Variants in TMEM130 observed in about 807,000 individuals in gnomAD.
The protein encoded by TMEM130 is transmembrane protein 130.
In TMEM130, 37 loss-of-function variants were observed where a neutral mutation model predicts 42.9. The observed-to-expected ratio is 0.86, with a 90% confidence interval of 0.66 to 1.13. TMEM130 has a LOEUF of 1.13. Among genes scored for constraint, TMEM130 ranks in the 50% most tolerant of loss-of-function variants. The probability of loss-of-function intolerance (pLI) is 0.00; values close to 1 mark genes in which losing one functional copy is unlikely to be tolerated. For missense variants in TMEM130, 545 were observed against 562.6 expected (o/e 0.97, Z 0.32); for synonymous variants, 259 against 237.7 (o/e 1.09, Z -0.82).
At chr7:98,850,108 G>A (rs531195914) in intron 6 of TMEM130, among the ~76,000 whole-genome samples, 2 of 149,782 alleles carry the variant, frequency 1.3e-5, no homozygotes, top group Non-Finnish European at 3.0e-5. Context: ...GGAGTGCTGT[G>A]GTGTGATCTT....
intron 5 of TMEM130, among the ~76,000 whole-genome samples, chr7:98,852,665 G>A (rs993858340): frequency 1.3e-5 from 2 of 151,904 alleles, no homozygotes; most frequent in East Asian, 1.9e-4. Context: ...TGCGATCTCC[G>A]CTCACTGCAA....
chr7:98,858,249 G>T (rs564385652), intron 3 of TMEM130, among the ~76,000 whole-genome samples: 32 of 152,272 alleles, frequency 2.1e-4, no homozygotes, highest in African/African-American at 7.0e-4. Flanking sequence ...GGCATCTAAA[G>T]AGATGATCTG....
At chr7:98,868,303 A>G (rs537034623) in intron 1 of TMEM130, among the ~76,000 whole-genome samples, 125 of 152,308 alleles carry the variant, frequency 8.2e-4, no homozygotes, top group African/African-American at 2.7e-3. Context: ...GCCAAGGCAG[A>G]GGTTTAGGGG....
At chr7:98,850,992 T>C (rs996805328) in intron 6 of TMEM130, among the ~76,000 whole-genome samples, 1 of 151,982 alleles carries the variant, frequency 6.6e-6, no homozygotes, top group Admixed American at 6.6e-5. Flanking sequence ...CTTATAGATG[T>C]GGGTAGGGTC....
intron 6 of TMEM130, among the ~76,000 whole-genome samples, chr7:98,850,273 A>ATATATATATATATATATATATTTTTTT: frequency 2.8e-5 from 1 of 35,470 alleles, no homozygotes; most frequent in Non-Finnish European, 6.3e-5. Context: ...ATATATATAT[A>ATATATATATATATATATATATTTTTTT]TTTTTTTTTT....
chr7:98,864,614 G>C (rs1241619323), intron 1 of TMEM130, among the ~76,000 whole-genome samples: 1 of 151,858 alleles, frequency 6.6e-6, no homozygotes, highest in Non-Finnish European at 1.5e-5. Context: ...GGATCCAGCT[G>C]TTGGCCAGGC....
At chr7:98,849,954 A>G (rs1220685672) in intron 6 of TMEM130, among the ~76,000 whole-genome samples, 1 of 152,014 alleles carries the variant, frequency 6.6e-6, no homozygotes, top group Non-Finnish European at 1.5e-5. Context: ...TGCTGTCATC[A>G]GCAAAGCCCA....
At chr7:98,867,755 G>A (rs1441657077) in intron 1 of TMEM130, among the ~76,000 whole-genome samples, 1 of 152,172 alleles carries the variant, frequency 6.6e-6, no homozygotes, top group Admixed American at 6.5e-5. Flanking sequence ...CAGCTCCAAG[G>A]ACACTTTTTC....
In TMEM130 at chr7:98,848,857, C is replaced by G. The variant is rs112110920; in HGVS notation, c.1007-162G>C. Among the ~76,000 whole-genome samples, 1,461 of 152,230 alleles carry G rather than the reference C, an allele frequency of 9.6e-3. 26 individuals carry two copies. The highest frequency in any genetic ancestry group is 0.033 in the African/African-American group (1,359 of 41,540). ...AACTGGGCAACCCCAATAGGTAAAT[C>G]CAGGACTTCACAAAAAATAAACTGG... On this transcript the variant is annotated intron_variant, in intron 6 of 7. Coordinates refer to ENST00000339375, the MANE Select transcript of TMEM130 (RefSeq NM_152913.3).
intron 3 of TMEM130, 52 bp from the exon 4 acceptor site, chr7:98,856,235 C>T (rs781796882): frequency 1.9e-5 from 30 of 1,567,884 alleles, no homozygotes; most frequent in Middle Eastern, 3.4e-4. Flanking sequence ...GGTTGCTTCC[C>T]CTTCCTGTAA....
At chr7:98,858,146 T>C (rs1794676303) in intron 3 of TMEM130, among the ~76,000 whole-genome samples, 2 of 147,288 alleles carry the variant, frequency 1.4e-5, no homozygotes, top group African/African-American at 5.4e-5. Flanking sequence ...TGTTCATTTC[T>C]GTATAATGTT....
intron 6 of TMEM130, among the ~76,000 whole-genome samples, chr7:98,850,273 A>ATATATATATATATATATTTTT: frequency 2.8e-5 from 1 of 35,470 alleles, no homozygotes. Flanking sequence ...ATATATATAT[A>ATATATATATATATATATTTTT]TTTTTTTTTT....
rs973970283 is a variant in TMEM130, at chr7:98,869,695, C to T, written c.85+82G>A. Reference sequence around the variant, plus strand: ...GGTGCCACCTCCGCAATCCCTGCTCCCGGGCCCACTCGCCCGCTGAGACGG... The same window carrying T: ...GGTGCCACCTCCGCAATCCCTGCTCTCGGGCCCACTCGCCCGCTGAGACGG... On this transcript the variant is annotated intron_variant, in intron 1 of 7. Coordinates refer to ENST00000339375, the MANE Select transcript of TMEM130 (RefSeq NM_152913.3). The surrounding 1 kb of genome is among the most constrained non-coding windows in gnomAD (Gnocchi z 4.7). 5.6e-6 allele frequency: 6 copies of T among 1,077,054 alleles called. No homozygotes were observed. The highest frequency in any genetic ancestry group is 8.4e-5 in the Admixed American group (2 of 23,860). 66.7% of individuals were successfully genotyped at this position (1,077,054 alleles called of 1,614,324 possible). A position where few individuals can be genotyped will look rare whatever the true frequency, so the allele number is the denominator to read the frequency against.
intron 5 of TMEM130, 47 bp from the exon 6 acceptor site, chr7:98,851,670 T>C (rs1794509931): frequency 1.3e-6 from 2 of 1,521,850 alleles, no homozygotes; most frequent in Non-Finnish European, 8.8e-7. Context: ...CAGCAAAGCA[T>C]GTCAGCACAG....
intron 5 of TMEM130, among the ~76,000 whole-genome samples, chr7:98,853,230 C>A (rs1283418519): frequency 1.3e-5 from 2 of 152,158 alleles, no homozygotes; most frequent in East Asian, 3.9e-4. Flanking sequence ...TACCTCCAAC[C>A]CCTAAATTAT....
In TMEM130 at chr7:98,847,937, G is replaced by T; in HGVS notation, c.*119C>A. ...GGCTGAACTGTACAGATGGATGGAT[G>T]ATCCAGGCCAACAGCCCCACGCAAA... On this transcript the variant is annotated 3_prime_UTR_variant, in exon 8 of 8. Coordinates refer to ENST00000339375, the MANE Select transcript of TMEM130 (RefSeq NM_152913.3). 1 of 962,442 alleles carries T rather than the reference G, an allele frequency of 1.0e-6. No homozygotes were observed. Among genetic ancestry groups the T allele is most frequent in the Non-Finnish European group, 1.6e-6 (1 of 632,446 alleles). 59.6% of individuals were successfully genotyped at this position (962,442 alleles called of 1,614,324 possible). A position where few individuals can be genotyped will look rare whatever the true frequency, so the allele number is the denominator to read the frequency against.
chr7:98,848,761 G>A, intron 6 of TMEM130, 66 bp from the exon 7 acceptor site: 4 of 1,122,074 alleles, frequency 3.6e-6, no homozygotes, highest in Non-Finnish European at 5.5e-6. Context: ...TTCTCAGGAA[G>A]CAAGCACAAC....
chr7:98,863,369 G>GT lies in TMEM130; in HGVS notation c.116_117insA (p.Ser39ArgfsTer28). 2 of 1,601,034 alleles carry GT rather than the reference G, an allele frequency of 1.2e-6. No homozygotes were observed. The highest frequency in any genetic ancestry group is 1.7e-6 in the Non-Finnish European group (2 of 1,176,400). ...TCACCACCGCTCCCGTGGTGGCAGG[G>GT]CTATCGGTGGTGAGATTGAGTTCAT... On this transcript the variant is annotated frameshift_variant, in exon 2 of 8. Transcript: ENST00000339375. LOFTEE classifies it high-confidence loss of function.
intron 1 of TMEM130, among the ~76,000 whole-genome samples, chr7:98,864,922 A>G (rs2116133194): frequency 6.6e-6 from 1 of 152,226 alleles, no homozygotes; most frequent in South Asian, 2.1e-4. Flanking sequence ...AAAACAAACA[A>G]TAAAAACACT....
Sources: gnomAD v4.1 joint callset for allele counts (sites outside exome capture counted in the v4.1 genomes callset) on GRCh38, gnomAD v4.1.1 for gene constraint, Gnocchi (gnomAD v3.1) non-coding constraint, MANE v1.5 for transcripts, NCBI Gene and HGNC (gene_info 2026-07-23, HGNC 2026-07-21) for gene names.